The following MACF1 variants were observed in gnomAD, a reference collection of about 807,000 sequenced individuals.
MACF1 encodes microtubule actin crosslinking factor 1.
In MACF1, 193 loss-of-function variants were observed where a neutral mutation model predicts 854.8. That is an observed-to-expected ratio of 0.23 (90% CI 0.20 to 0.25). The LOEUF is 0.25. Ranked by LOEUF, MACF1 falls within the 10% of genes least tolerant of loss-of-function variation. MACF1 has a pLI of 1.00. For missense variants in MACF1, 7,722 were observed against 8,929.1 expected (o/e 0.86, Z 5.45); for synonymous variants, 3,185 against 3,226.7 (o/e 0.99, Z 0.44).
intron 5 of MACF1, chr1:39,254,595 C>T (rs1234184765): frequency 2.1e-5 from 10 of 465,402 alleles, no homozygotes; most frequent in South Asian, 8.1e-5. Context: ...AGAATGTTCA[C>T]GGAGAAGAAC....
chr1:39,271,789 A>G (rs545097436), intron 6 of MACF1, among the ~76,000 whole-genome samples: 218 of 152,308 alleles, frequency 1.4e-3, no homozygotes, highest in Non-Finnish European at 2.4e-3. Flanking sequence ...AGTAAAATCA[A>G]TCCTAGATAA....
rs753948194 is a variant in MACF1, at chr1:39,387,402, G to A, written c.14560G>A (p.Val4854Met). Reference protein sequence around the residue: ...NQHSGSYEVIVAEGESLLLSV... With the variant: ...NQHSGSYEVIMAEGESLLLSV... ...ACACAGTGGCTCCTATGAGGTGATT[G>A]TGGCTGAAGGGGAATCTCTACTTCT... The change falls in exon 58 of 101, where the codon GTG becomes ATG. Residue 4854 changes from valine to methionine, a missense_variant. Val to Met is a conservative substitution (Grantham distance 21, BLOSUM62 1). This residue lies in a region of MACF1 where 2,807 missense variants were observed against 3,235.8 expected (regional missense o/e 0.87). Transcript: ENST00000564288. The A allele has an allele frequency of 2.5e-6, 4 of 1,614,202 alleles. No homozygotes were observed. Among genetic ancestry groups the A allele is most frequent in the Non-Finnish European group, 2.5e-6 (3 of 1,180,042 alleles).
chr1:39,244,121 G>A (rs888054520), intron 2 of MACF1, among the ~76,000 whole-genome samples: 3 of 151,252 alleles, frequency 2.0e-5, no homozygotes, highest in Admixed American at 6.6e-5. Flanking sequence ...TTTTTTTTGG[G>A]GGGGACAGAG....
At chr1:39,323,084 A>T in intron 33 of MACF1, 76 bp downstream of exon 33, 1 of 1,371,112 alleles carries the variant, frequency 7.3e-7, no homozygotes, top group East Asian at 2.3e-5. Context: ...GTGTGCCTGT[A>T]GTCTCTGGTA....
At chr1:39,418,950 C>G (rs1005915520) in intron 58 of MACF1, among the ~76,000 whole-genome samples, 1 of 152,100 alleles carries the variant, frequency 6.6e-6, no homozygotes, top group Non-Finnish European at 1.5e-5. Flanking sequence ...TTGCATCTTA[C>G]AACCTTGCAA....
chr1:39,386,409 C>T (rs1032844073), intron 57 of MACF1, among the ~76,000 whole-genome samples: 4 of 149,212 alleles, frequency 2.7e-5, no homozygotes, highest in Non-Finnish European at 6.0e-5. Context: ...TATAGACACA[C>T]GCCACCATGC....
At position 39,347,123 on chromosome 1, in the gene MACF1, C is replaced by T. The variant is rs1246009878; in HGVS notation, c.10728C>T (p.Ser3576=). The part of the protein sequence containing the change: ...MLRLLNELQR[S]FQDILEQTAA... ...GGCTTCTGAATGAACTGCAGAGGTC[C>T]TTCCAGGACATTTTGGAACAGACTG... The change falls in exon 41 of 101, where the codon TCC becomes TCT. Residue 3576 remains serine (S), a synonymous_variant. Transcript: ENST00000564288. 6.2e-7 allele frequency: 1 copy of T among 1,614,110 alleles called. No individual in the cohort carries two copies. The highest frequency in any genetic ancestry group is 1.1e-5 in the South Asian group (1 of 91,066).
At chr1:39,483,822 A>G (rs1010866714) in intron 99 of MACF1, among the ~76,000 whole-genome samples, 1 of 152,176 alleles carries the variant, frequency 6.6e-6, no homozygotes, top group African/African-American at 2.4e-5. Flanking sequence ...GATAATGACT[A>G]AAAGATCTTA....
chr1:39,233,808 TATTGA>T (rs1644817822), intron 2 of MACF1, among the ~76,000 whole-genome samples: 10 of 65,750 alleles, frequency 1.5e-4, no homozygotes, highest in East Asian at 4.8e-4. Flanking sequence ...ATTTATTTTT[TATTGA>T]TAATTCTTGG....
chr1:39,343,658 A>G (rs552811800), intron 40 of MACF1, among the ~76,000 whole-genome samples: 1 of 152,328 alleles, frequency 6.6e-6, no homozygotes, highest in South Asian at 2.1e-4. Context: ...CTAAATTATC[A>G]TGTTCACAGA....
intron 83 of MACF1, 135 bp downstream of exon 83, chr1:39,448,287 G>C (rs913244166): frequency 2.9e-6 from 3 of 1,039,352 alleles, no homozygotes; most frequent in South Asian, 3.4e-5. Flanking sequence ...ATGAAGCCAG[G>C]GTTCCATTTT....
At chr1:39,478,577 T>C (rs61779313) in intron 97 of MACF1, among the ~76,000 whole-genome samples, 26,802 of 152,148 alleles carry the variant, frequency 0.18, 2,979 homozygotes, top group Non-Finnish European at 0.25. Flanking sequence ...TGTCAACATA[T>C]AATATATTGA....
chr1:39,123,270 C>G (rs1347839595), intron 2 of MACF1, among the ~76,000 whole-genome samples: 1 of 130,618 alleles, frequency 7.7e-6, no homozygotes, highest in Admixed American at 8.7e-5. Context: ...TGCAGTGGTG[C>G]GATCTTGGCT....
chr1:39,468,510 T>G, intron 95 of MACF1, 105 bp from the exon 96 acceptor site: 1 of 846,580 alleles, frequency 1.2e-6, no homozygotes, highest in Non-Finnish European at 1.9e-6. Context: ...AATTCTTCTG[T>G]AGCTATCAAA....
At chr1:39,250,967 A>C (rs989087120) in intron 3 of MACF1, among the ~76,000 whole-genome samples, 2 of 152,186 alleles carry the variant, frequency 1.3e-5, no homozygotes, top group African/African-American at 2.4e-5. Flanking sequence ...TGAATACTGG[A>C]AATATCTGTG....
intron 58 of MACF1, among the ~76,000 whole-genome samples, chr1:39,396,610 T>TAA (rs1159474579): frequency 6.6e-6 from 1 of 152,202 alleles, no homozygotes; most frequent in Admixed American, 6.5e-5. Flanking sequence ...AAATGAATGG[T>TAA]AAATGGTCTC....
At chr1:39,193,321 T>C (rs1410760958) in intron 2 of MACF1, among the ~76,000 whole-genome samples, 1 of 152,006 alleles carries the variant, frequency 6.6e-6, no homozygotes, top group African/African-American at 2.4e-5. Context: ...GAGAGAGAGA[T>C]TACTTAAAAT....
At chr1:39,325,875 A>G (rs945973154) in intron 35 of MACF1, among the ~76,000 whole-genome samples, 2 of 152,216 alleles carry the variant, frequency 1.3e-5, no homozygotes, top group Non-Finnish European at 2.9e-5. Flanking sequence ...CTGGGAATTT[A>G]CAAGAGGATT....
intron 15 of MACF1, among the ~76,000 whole-genome samples, chr1:39,287,915 A>G (rs1645676541): frequency 2.0e-5 from 3 of 152,166 alleles, no homozygotes; most frequent in African/African-American, 7.2e-5. Flanking sequence ...AATAGCATAC[A>G]GTTTTCTCAT....
Sources: gnomAD v4.1 joint callset for allele counts (sites outside exome capture counted in the v4.1 genomes callset) on GRCh38, gnomAD v4.1.1 for gene constraint, gnomAD v4.1.1 regional missense constraint, MANE v1.5 for transcripts, NCBI Gene and HGNC (gene_info 2026-07-23, HGNC 2026-07-21) for gene names.